Variants in ZNF44 observed in about 807,000 individuals in gnomAD.
ZNF44 encodes gonadotropin inducible transcription repressor-2.
Under a neutral mutation model 11.7 loss-of-function variants are expected in ZNF44, and 9 were observed. That is an observed-to-expected ratio of 0.77 (90% confidence interval 0.46 to 1.35). The LOEUF (loss-of-function observed/expected upper bound fraction) is 1.35, where lower values mean the gene tolerates loss of function less well. Among genes scored for constraint, ZNF44 ranks in the 40% most tolerant of loss-of-function variants. ZNF44 has a pLI of 0.00. For missense variants in ZNF44, 696 were observed against 743.1 expected (o/e 0.94, Z 0.74); for synonymous variants, 224 against 242.7 (o/e 0.92, Z 0.72).
chr19:12,239,912 A>G (rs955235411), upstream of ZNF44, among the ~76,000 whole-genome samples: 5 of 152,124 alleles, frequency 3.3e-5, no homozygotes, highest in African/African-American at 1.2e-4. Flanking sequence ...AACGGTCTGA[A>G]AGAAAATTAA....
In ZNF44 at chr19:12,293,216, A is replaced by G. The variant is rs1968092416; in HGVS notation, c.3+1476T>C. The G allele has an allele frequency of 2.6e-6, 4 of 1,534,256 alleles. No individual in the cohort carries two copies. In the East Asian group the frequency reaches 9.8e-5, roughly 38 times the overall value. On this transcript the variant is annotated intron_variant, in intron 1 of 3. Coordinates refer to ENST00000355684, the MANE Select transcript of ZNF44 (RefSeq NM_016264.4). ...AATGATATACCAGAAGATTCCTCCCACCCCAGTGCATCCACCTGATCCTTT... is the reference window on the plus strand; with the variant it reads ...AATGATATACCAGAAGATTCCTCCCGCCCCAGTGCATCCACCTGATCCTTT...
rs758431512 is a variant in ZNF44 at position 12,273,714 on chromosome 19, G to A, written c.541C>T (p.Pro181Ser). Residue 181 changes from proline (P) to serine (S), a missense_variant, in exon 4 of 4, where the codon CCT becomes TCT. Transcript: ENST00000355684. ...CKECGKTFSSPGNLRRHMVVK... is the reference protein window; with the variant it reads ...CKECGKTFSSSGNLRRHMVVK... ...ACCATATGTCTTCGAAGGTTTCCAG[G>A]AGAACTGAAGGTTTTTCCACATTCC... 28 of 1,614,124 alleles carry A rather than the reference G, an allele frequency of 1.7e-5. No individual in the cohort carries two copies. Among genetic ancestry groups the A allele is most frequent in the Non-Finnish European group, 2.3e-5 (27 of 1,180,008 alleles).
rs1408513265 is a variant in ZNF44 at position 12,260,401 on chromosome 19, T to C, written c.1913-10033A>G. ...AATGCTGGCGTCACGCTCAGCAGCA[T>C]CAGACACATGATCCTCAAGAACAAG... On this transcript the variant is annotated intron_variant and NMD_transcript_variant, in intron 5 of 7. Coordinates refer to the ZNF44 transcript ENST00000393337. The C allele has an allele frequency of 7.7e-6, 11 of 1,437,382 alleles. No individual in the cohort carries two copies. The East Asian group carries it at 2.6e-4, about 34-fold the overall frequency. 89.0% of individuals were successfully genotyped at this position (1,437,382 alleles called of 1,614,324 possible).
At position 12,272,764 on chromosome 19, in the gene ZNF44, A is replaced by G. The variant is rs1967009401; in HGVS notation, c.1491T>C (p.Thr497=). ...SFKYFCRHER[T]HSEEKSYECQ... ...ACTCATAAGATTTTTCTTCACTGTG[A>G]GTCCTTTCATGGCGACAAAAGTATT... The change falls in exon 4 of 4, where the codon ACT becomes ACC. Residue 497 remains threonine (T), a synonymous_variant. Coordinates refer to ENST00000355684, the MANE Select transcript of ZNF44 (RefSeq NM_016264.4). 6.2e-7 allele frequency: 1 copy of G among 1,613,654 alleles called. No individual in the cohort carries two copies. Among genetic ancestry groups the G allele is most frequent in the Non-Finnish European group, 8.5e-7 (1 of 1,179,798 alleles).
chr19:12,243,524 T>C (rs929274130), downstream of ZNF44, among the ~76,000 whole-genome samples: 1 of 152,220 alleles, frequency 6.6e-6, no homozygotes, highest in African/African-American at 2.4e-5. Context: ...CTGAGTAATA[T>C]TCTGTTTAAA....
At chr19:12,227,543 T>C (rs1316056868) in intron 3 of ZNF44, among the ~76,000 whole-genome samples, 2 of 152,038 alleles carry the variant, frequency 1.3e-5, no homozygotes, top group Non-Finnish European at 2.9e-5. Context: ...GAGGCAGAGG[T>C]TGCAGTGAGC....
At chr19:12,277,797 TGAATCAGTCTGGGGACTAACCGAA>T (rs1274901238) in intron 1 of ZNF44, among the ~76,000 whole-genome samples, 1 of 152,216 alleles carries the variant, frequency 6.6e-6, no homozygotes, top group East Asian at 1.9e-4. Context: ...TTTGTATTTT[TGAATCAGTCTGGGGACTAACCGAA>T]GGTCTGAAAC....
Position 12,272,418 on chromosome 19 carries a change from C to T in ZNF44, c.1837G>A (p.Asp613Asn), listed in dbSNP as rs1966986802. Residue 613 changes from aspartate (D) to asparagine (N), a missense_variant, in exon 4 of 4, where the codon GAT becomes AAT. By Grantham distance (23) the Asp-to-Asn change is conservative (BLOSUM62 1). Coordinates refer to ENST00000355684, the MANE Select transcript of ZNF44 (RefSeq NM_016264.4). Reference protein sequence around the residue: ...FNRHKRTHWKDIL With the variant: ...FNRHKRTHWKNIL The stretch of plus-strand genomic sequence containing the variant: ...CACATTCCATACACTTATAGAATAT[C>T]CTTCCAGTGTGTCCTTTTATGTCTA... The T allele has an allele frequency of 1.3e-6, 2 of 1,544,972 alleles. No homozygotes were observed. Among genetic ancestry groups the T allele is most frequent in the Admixed American group, 2.1e-5 (1 of 46,868 alleles).
At chr19:12,249,019 T>TC in intron 7 of ZNF44, among the ~76,000 whole-genome samples, 1 of 151,986 alleles carries the variant, frequency 6.6e-6, no homozygotes, top group Admixed American at 6.5e-5. Flanking sequence ...TTCAACTGAT[T>TC]CTCCTGCCTC....
intron 7 of ZNF44, chr19:12,249,834 G>A (rs1329550233): frequency 7.5e-6 from 4 of 536,516 alleles, no homozygotes; most frequent in East Asian, 7.9e-5. Context: ...TTACAGGCAT[G>A]AGCCACTGCG....
At chr19:12,248,641 C>CT in exon 8 of ZNF44, 2 of 1,310,482 alleles carry the variant, frequency 1.5e-6, no homozygotes, top group Non-Finnish European at 2.0e-6. Context: ...CCATGACTAC[C>CT]TTCTTTACTT....
chr19:12,247,477 G>T, downstream of ZNF44: 2 of 1,339,492 alleles, frequency 1.5e-6, no homozygotes, highest in South Asian at 1.2e-5. Context: ...TCATGTATAT[G>T]AATATAACTG....
downstream of ZNF44, among the ~76,000 whole-genome samples, chr19:12,270,274 T>C (rs1966906507): frequency 6.6e-6 from 1 of 152,082 alleles, no homozygotes. Context: ...AAACATAGCT[T>C]AACCAAGAAT....
Position 12,279,873 on chromosome 19 carries a change from A to AAAAAAAAAAAAG in ZNF44, c.4-3792_4-3791insCTTTTTTTTTTT, listed in dbSNP as rs1241723558. Among the ~76,000 whole-genome samples, 32 of 151,586 alleles carry AAAAAAAAAAAAG rather than the reference A, an allele frequency of 2.1e-4. No homozygotes were observed. In the East Asian group the frequency reaches 6.2e-3, roughly 29 times the overall value. On this transcript the variant is annotated intron_variant, in intron 1 of 3. Coordinates refer to ENST00000355684, the MANE Select transcript of ZNF44 (RefSeq NM_016264.4). ...ATTACCTGGTCTGAGTTAAAAAAAA[A>AAAAAAAAAAAAG]AAGAAGTTCATCAGAAAGAAAAAAA...
intron 1 of ZNF44, among the ~76,000 whole-genome samples, chr19:12,279,691 G>T (rs1202265698): frequency 6.6e-6 from 1 of 151,802 alleles, no homozygotes; most frequent in Non-Finnish European, 1.5e-5. Context: ...AATTGATGTA[G>T]GGATAAAATA....
chr19:12,233,553 A>C (rs1271003616), intron 2 of ZNF44, among the ~76,000 whole-genome samples: 104 of 100,906 alleles, frequency 1.0e-3, no homozygotes, highest in African/African-American at 6.0e-3. Flanking sequence ...CATACATCAA[A>C]AAAAAAAAAA....
At chr19:12,257,999 A>G (rs1387719555) in intron 5 of ZNF44, among the ~76,000 whole-genome samples, 1 of 151,056 alleles carries the variant, frequency 6.6e-6, no homozygotes, top group South Asian at 2.1e-4. Context: ...CAAACAAAAA[A>G]AACAGGCCAG....
chr19:12,287,347 T>G (rs1967806846), intron 1 of ZNF44, among the ~76,000 whole-genome samples: 1 of 152,136 alleles, frequency 6.6e-6, no homozygotes, highest in South Asian at 2.1e-4. Flanking sequence ...CCCGAGTAGC[T>G]GGGACTACAG....
At chr19:12,263,798 G>A (rs999841815) in intron 5 of ZNF44, among the ~76,000 whole-genome samples, 5 of 151,906 alleles carry the variant, frequency 3.3e-5, no homozygotes, top group African/African-American at 4.8e-5. Flanking sequence ...GGTGGCAGGC[G>A]CCTGTAGTCC....
Sources: allele counts gnomAD v4.1 joint callset (sites outside exome capture counted in the v4.1 genomes callset), GRCh38; gene constraint gnomAD v4.1.1; transcripts MANE v1.5; gene names NCBI Gene and HGNC (gene_info 2026-07-23, HGNC 2026-07-21).